The following KALRN variants were observed in gnomAD, a reference collection of about 807,000 sequenced individuals.
KALRN encodes kalirin.
A neutral mutation model predicts 353.7 loss-of-function variants in KALRN; 70 were observed. That is an observed-to-expected ratio of 0.20 (90% CI 0.16 to 0.24). KALRN has a LOEUF of 0.24. Among genes scored for constraint, KALRN ranks in the 10% least tolerant of loss-of-function variants. The pLI is 1.00. For synonymous variants in KALRN, 1,391 were observed against 1,434.8 expected (o/e 0.97, Z 0.69); for missense variants, 2,791 against 3,756.7 (o/e 0.74, Z 6.72).
intron 58 of KALRN, among the ~76,000 whole-genome samples, chr3:124,713,886 C>G (rs1367505281): frequency 6.6e-6 from 1 of 152,134 alleles, no homozygotes; most frequent in Admixed American, 6.5e-5. Context: ...CCACAAGAAC[C>G]CCTTTTCAGT....
intron 1 of KALRN, among the ~76,000 whole-genome samples, chr3:124,194,754 C>G (rs1012346079): frequency 3.3e-5 from 5 of 152,110 alleles, no homozygotes; most frequent in African/African-American, 1.2e-4. Context: ...CCCAGTGCTC[C>G]TTGTATGCCA....
At chr3:124,059,688 C>A (rs1577665812) in intron 1 of KALRN, among the ~76,000 whole-genome samples, 1 of 152,308 alleles carries the variant, frequency 6.6e-6, no homozygotes, top group East Asian at 1.9e-4. Flanking sequence ...CCCCTTATTT[C>A]CTGTTCTCCA....
intron 1 of KALRN, among the ~76,000 whole-genome samples, chr3:124,053,447 C>T (rs1361726750): frequency 6.6e-6 from 1 of 152,130 alleles, no homozygotes; most frequent in African/African-American, 2.4e-5. Flanking sequence ...AGACAATCTC[C>T]AGGTTTTGGC....
At chr3:124,660,680 CAAA>C (rs5852424) in intron 43 of KALRN, among the ~76,000 whole-genome samples, 2 of 93,800 alleles carry the variant, frequency 2.1e-5, no homozygotes, top group Non-Finnish European at 4.2e-5. Flanking sequence ...GACTATGTCT[CAAA>C]AAAAAAAAAA....
At position 124,336,101 on chromosome 3, in the gene KALRN, T is replaced by A. The variant is rs772326876; in HGVS notation, c.1647+1606T>A. Among the ~76,000 whole-genome samples, 11 of 152,218 alleles carry A rather than the reference T, an allele frequency of 7.2e-5. 1 individual carries two copies. The highest frequency in any genetic ancestry group is 1.3e-4 in the Admixed American group (2 of 15,290). On this transcript the variant is annotated intron_variant, in intron 9 of 59. Transcript: ENST00000682506. ...CTGTGCAATCAGTCCCAGGAACAGATGGGCCTTCGAGCATGCCCCCACTTC... is the reference window on the plus strand; with the variant it reads ...CTGTGCAATCAGTCCCAGGAACAGAAGGGCCTTCGAGCATGCCCCCACTTC...
At chr3:124,713,866 G>A (rs1038100141) in intron 58 of KALRN, among the ~76,000 whole-genome samples, 19 of 152,156 alleles carry the variant, frequency 1.2e-4, no homozygotes, top group Non-Finnish European at 2.2e-4. Flanking sequence ...GACCATTGCC[G>A]AGTATGGCTC....
chr3:124,684,561 C>T (rs2061475549), intron 51 of KALRN, among the ~76,000 whole-genome samples: 1 of 152,098 alleles, frequency 6.6e-6, no homozygotes, highest in Non-Finnish European at 1.5e-5. Flanking sequence ...CTTTCTGAGC[C>T]CCAAGTTCCT....
Position 124,562,940 on chromosome 3 carries a change from T to C in KALRN, c.5033T>C (p.Leu1678Pro), listed in dbSNP as rs937409791. ...TIQVGQTVEL[L>P]ERPSERPGWC... is the part of the protein sequence containing the mutation. The stretch of plus-strand genomic sequence containing the variant: ...CAGGTGGGGCAGACGGTAGAGCTGC[T>C]GGAGCGGCCCAGCGAGCGGCCTGGT... The change falls in exon 34 of 60, where the codon CTG becomes CCG. Residue 1678 changes from leucine (L) to proline (P), a missense_variant. By Grantham distance (98) the Leu-to-Pro change is moderately conservative. Transcript: ENST00000682506. The C allele has an allele frequency of 7.3e-7, 1 of 1,367,940 alleles. No homozygotes were observed. Among genetic ancestry groups the C allele is most frequent in the South Asian group, 1.1e-5 (1 of 88,048 alleles). 84.7% of individuals were successfully genotyped at this position (1,367,940 alleles called of 1,614,324 possible).
intron 25 of KALRN, among the ~76,000 whole-genome samples, chr3:124,472,561 ATGTGTGTGTGTATATGTGTGTG>A (rs902308655): frequency 1.8e-4 from 24 of 133,338 alleles, no homozygotes; most frequent in Admixed American, 1.0e-3. Context: ...TTAAATTAAA[ATGTGTGTGTGTATATGTGTGTG>A]TGTGTGTGTG....
At chr3:124,222,368 G>C (rs1049789147) in intron 1 of KALRN, among the ~76,000 whole-genome samples, 4 of 152,080 alleles carry the variant, frequency 2.6e-5, no homozygotes, top group Non-Finnish European at 5.9e-5. Flanking sequence ...ATGATTATAG[G>C]GTAATGGCTG....
chr3:124,414,205 G>C (rs2092368143), intron 14 of KALRN, among the ~76,000 whole-genome samples: 1 of 152,206 alleles, frequency 6.6e-6, no homozygotes, highest in Non-Finnish European at 1.5e-5. Context: ...CTGGTCTGCA[G>C]ACAGAGTGAG....
intron 10 of KALRN, among the ~76,000 whole-genome samples, chr3:124,371,250 T>C (rs887820721): frequency 6.6e-6 from 1 of 152,220 alleles, no homozygotes; most frequent in Admixed American, 6.5e-5. Context: ...TAGTTTCCTT[T>C]TAAGTACTAC....
chr3:124,249,864 C>T (rs1268978282), intron 3 of KALRN, among the ~76,000 whole-genome samples: 1 of 152,204 alleles, frequency 6.6e-6, no homozygotes, highest in Non-Finnish European at 1.5e-5. Context: ...CCTTGTAATT[C>T]CCAGGTTCCC....
rs1316809493 is a variant in KALRN at position 124,234,888 on chromosome 3, A to G, written c.208A>G (p.Arg70Gly). ...CTTCCCTGCTCGCAGCAATCATGACAGAATAAGACAGGAAGACCTGCGGAA... is the reference window on the plus strand; with the variant it reads ...CTTCCCTGCTCGCAGCAATCATGACGGAATAAGACAGGAAGACCTGCGGAA... ...LTFPARSNHD[R>G]IRQEDLRKLV... The change falls in exon 3 of 60, where the codon AGA (arginine) becomes GGA (glycine). Residue 70 changes from arginine to glycine, a missense_variant. Transcript: ENST00000682506. The G allele has an allele frequency of 1.2e-6, 2 of 1,609,616 alleles. No individual in the cohort carries two copies. Among genetic ancestry groups the G allele is most frequent in the Non-Finnish European group, 1.7e-6 (2 of 1,177,748 alleles).
At position 124,446,251 on chromosome 3, in the gene KALRN, T is replaced by C; in HGVS notation, c.3404T>C (p.Val1135Ala). ...KRRLDQCQQYVVFERSAKQAL... is the reference protein window; with the variant it reads ...KRRLDQCQQYAVFERSAKQAL... ...CGGTTAGACCAATGCCAGCAATATG[T>C]GGTGTTCGAGCGCAGCGCTAAGCAG... Residue 1135 changes from valine (V) to alanine (A), a missense_variant, in exon 20 of 60, where the codon GTG becomes GCG. By Grantham distance (64) the Val-to-Ala change is moderately conservative (BLOSUM62 0). Around this residue, in one of 11 missense-constraint regions of KALRN, gnomAD observed 268 missense variants for 347.0 expected, o/e 0.77. Coordinates refer to ENST00000682506, the MANE Select transcript of KALRN (RefSeq NM_001388419.1). 1 of 1,613,968 alleles carries C rather than the reference T, an allele frequency of 6.2e-7. No homozygotes were observed. Among genetic ancestry groups the C allele is most frequent in the Non-Finnish European group, 8.5e-7 (1 of 1,179,852 alleles).
chr3:124,569,180 C>T (rs2073225820), intron 34 of KALRN, among the ~76,000 whole-genome samples: 2 of 152,146 alleles, frequency 1.3e-5, no homozygotes, highest in Admixed American at 1.3e-4. Flanking sequence ...CCCCCGTGAG[C>T]CTCAGAAGCA....
intron 38 of KALRN, among the ~76,000 whole-genome samples, chr3:124,654,835 AT>A (rs34847425): frequency 0.12 from 18,307 of 152,268 alleles, 1,199 homozygotes; most frequent in African/African-American, 0.16. Context: ...AGGTTTTACA[AT>A]ACCTACCTTA....
chr3:124,522,975 C>T (rs1168577253), intron 33 of KALRN, among the ~76,000 whole-genome samples: 1 of 152,184 alleles, frequency 6.6e-6, no homozygotes, highest in African/African-American at 2.4e-5. Flanking sequence ...GAGGTGCCAA[C>T]AGTATTTCAT....
chr3:124,120,711 A>AATATATATAT lies in KALRN; in HGVS notation c.73+86923_73+86932dup, dbSNP rs368470724. On this transcript the variant is annotated intron_variant, in intron 1 of 59. Transcript: ENST00000682506. ...TTACAATCCAGATAGGAATACTAAAAATATATATATATATATATATATATA... is the reference window on the plus strand; with the variant it reads ...TTACAATCCAGATAGGAATACTAAAAATATATATATATATATATATATATATATATATATA... 5.4e-3 allele frequency among the ~76,000 whole-genome samples: 531 copies of AATATATATAT among 98,792 alleles called. 2 individuals carry two copies. The highest frequency in any genetic ancestry group is 0.012 in the African/African-American group (287 of 23,422). 64.8% of individuals were successfully genotyped at this position (98,792 alleles called of 152,430 possible). A position where few individuals can be genotyped will look rare whatever the true frequency, so the allele number is the denominator to read the frequency against.
Sources: allele counts gnomAD v4.1 joint callset (sites outside exome capture counted in the v4.1 genomes callset), GRCh38; gene constraint gnomAD v4.1.1; regional missense constraint gnomAD v4.1.1; transcripts MANE v1.5; gene names NCBI Gene and HGNC (gene_info 2026-07-23, HGNC 2026-07-21).